DIS3L2: variants seen among roughly 807,000 people sequenced by gnomAD.
DIS3L2 encodes the protein DIS3-like exonuclease 2.
DIS3L2 carries 34 observed loss-of-function variants against 97.5 expected under a neutral mutation model. That is an observed-to-expected ratio of 0.35 (90% CI 0.27 to 0.46). The LOEUF (loss-of-function observed/expected upper bound fraction) is 0.46. DIS3L2 is among the 20% of genes least tolerant of loss of function. The pLI, the probability that DIS3L2 is intolerant of heterozygous loss-of-function variation, is 1.00. For missense variants in DIS3L2, 1,038 were observed against 1,146.0 expected (o/e 0.91, Z 1.36); for synonymous variants, 435 against 445.2 (o/e 0.98, Z 0.29).
chr2:232,270,005 G>C (rs1016535155), intron 13 of DIS3L2, among the ~76,000 whole-genome samples: 1 of 152,114 alleles, frequency 6.6e-6, no homozygotes, highest in Non-Finnish European at 1.5e-5. Flanking sequence ...GAAGAAAATC[G>C]ACAAGCCTGT....
At chr2:232,296,942 A>T (rs1259009300) in intron 13 of DIS3L2, among the ~76,000 whole-genome samples, 1 of 151,634 alleles carries the variant, frequency 6.6e-6, no homozygotes, top group East Asian at 1.9e-4. Flanking sequence ...TGACTTTGAG[A>T]CTCCCCCTGC....
intron 4 of DIS3L2, among the ~76,000 whole-genome samples, chr2:232,026,192 C>G (rs1481606247): frequency 8.5e-5 from 13 of 152,116 alleles, no homozygotes; most frequent in Admixed American, 8.5e-4. Context: ...GGCACACATA[C>G]CTTAAATCAA....
intron 8 of DIS3L2, among the ~76,000 whole-genome samples, chr2:232,163,168 T>C (rs1409944434): frequency 6.6e-6 from 1 of 152,200 alleles, no homozygotes; most frequent in Non-Finnish European, 1.5e-5. Context: ...TTGACTTCTC[T>C]GTGAAGAACA....
intron 8 of DIS3L2, among the ~76,000 whole-genome samples, chr2:232,154,981 A>C (rs1474073136): frequency 7.2e-6 from 1 of 139,768 alleles, no homozygotes; most frequent in Non-Finnish European, 1.5e-5. Context: ...TGCGTCCGTC[A>C]CCCCTTTCTT....
rs1694133233 is a variant in DIS3L2, at chr2:232,276,129, T to C, written c.1659+12689T>C. Among the ~76,000 whole-genome samples, 1 of 152,242 alleles carries C rather than the reference T, an allele frequency of 6.6e-6. No individual in the cohort carries two copies. Among genetic ancestry groups the C allele is most frequent in the African/African-American group, 2.4e-5 (1 of 41,466 alleles). Reference sequence around the variant, plus strand: ...AGGGAGGGAATCCCAACAGGTTTCTTATCTGCTTGTCAGCATGAGGCTGGT... The same window carrying C: ...AGGGAGGGAATCCCAACAGGTTTCTCATCTGCTTGTCAGCATGAGGCTGGT... On this transcript the variant is annotated intron_variant, in intron 13 of 20. Transcript: ENST00000325385. This position sits in a 1 kb window ranked among gnomAD's most constrained non-coding sequence, Gnocchi z 4.4.
At chr2:232,039,287 C>G (rs1695043081) in intron 5 of DIS3L2, among the ~76,000 whole-genome samples, 2 of 152,148 alleles carry the variant, frequency 1.3e-5, no homozygotes, top group South Asian at 4.1e-4. Context: ...TCCCTGACGT[C>G]TAGAATATAA....
chr2:232,325,863 A>G lies in DIS3L2; in HGVS notation c.1740-3950A>G, dbSNP rs1695557243. ...GGAGGAGTGGGGTGACACTAGGGCCAGTGCCCACATCAGAGGAGGAAGGTA... is the reference window on the plus strand; with the variant it reads ...GGAGGAGTGGGGTGACACTAGGGCCGGTGCCCACATCAGAGGAGGAAGGTA... On this transcript the variant is annotated intron_variant, in intron 14 of 20. Coordinates refer to ENST00000325385, the MANE Select transcript of DIS3L2 (RefSeq NM_152383.5). This position sits in a 1 kb window ranked among gnomAD's most constrained non-coding sequence, Gnocchi z 4.6. Among the ~76,000 whole-genome samples, 1 of 152,186 alleles carries G rather than the reference A, an allele frequency of 6.6e-6. No individual in the cohort carries two copies. Among genetic ancestry groups the G allele is most frequent in the Admixed American group, 6.5e-5 (1 of 15,278 alleles).
At chr2:232,156,932 G>C (rs912616145) in intron 8 of DIS3L2, among the ~76,000 whole-genome samples, 1 of 152,088 alleles carries the variant, frequency 6.6e-6, no homozygotes, top group Admixed American at 6.6e-5. Context: ...AATACTATTA[G>C]GTAGAATCAG....
chr2:232,057,637 A>G (rs1262444145), intron 5 of DIS3L2, among the ~76,000 whole-genome samples: 3 of 152,066 alleles, frequency 2.0e-5, no homozygotes, highest in Non-Finnish European at 4.4e-5. Context: ...TAATCGTTAA[A>G]CCATAGATGA....
At chr2:232,086,357 ATGTG>A (rs1211442764) in intron 5 of DIS3L2, among the ~76,000 whole-genome samples, 4 of 76,878 alleles carry the variant, frequency 5.2e-5, no homozygotes, top group Admixed American at 1.6e-4. Context: ...ATGTATATAT[ATGTG>A]TATATGTATA....
At chr2:232,154,009 T>C in intron 8 of DIS3L2, among the ~76,000 whole-genome samples, 1 of 141,570 alleles carries the variant, frequency 7.1e-6, no homozygotes, top group Non-Finnish European at 1.5e-5. Flanking sequence ...TCCTGAGGCT[T>C]CTGCTTTCTT....
At chr2:232,248,746 TA>T in intron 11 of DIS3L2, among the ~76,000 whole-genome samples, 1 of 152,252 alleles carries the variant, frequency 6.6e-6, no homozygotes. Flanking sequence ...TTTATTGAAG[TA>T]GTCTCTTAAT....
At chr2:232,078,437 G>T (rs1181180162) in intron 5 of DIS3L2, among the ~76,000 whole-genome samples, 1 of 152,180 alleles carries the variant, frequency 6.6e-6, no homozygotes, top group East Asian at 1.9e-4. Flanking sequence ...TTCTCAGAGG[G>T]ATCTGCTAAC....
At chr2:232,223,075 C>T (rs142337072) in intron 10 of DIS3L2, among the ~76,000 whole-genome samples, 42 of 152,200 alleles carry the variant, frequency 2.8e-4, no homozygotes, top group Admixed American at 6.5e-4. Flanking sequence ...CTTGTTAAAC[C>T]GAATTTGGAC....
chr2:232,068,671 A>T (rs545701770), intron 5 of DIS3L2, among the ~76,000 whole-genome samples: 1 of 152,100 alleles, frequency 6.6e-6, no homozygotes, highest in Admixed American at 6.5e-5. Flanking sequence ...TTAATTTCTT[A>T]ATACTAAATT....
intron 14 of DIS3L2, among the ~76,000 whole-genome samples, chr2:232,310,445 G>A (rs1695092947): frequency 6.6e-6 from 1 of 152,190 alleles, no homozygotes; most frequent in African/African-American, 2.4e-5. Flanking sequence ...CTGGATTCGG[G>A]TAGTGTTCAG....
chr2:232,145,249 A>T (rs1690186060), intron 8 of DIS3L2, among the ~76,000 whole-genome samples: 1 of 152,034 alleles, frequency 6.6e-6, no homozygotes, highest in Non-Finnish European at 1.5e-5. Context: ...CCAGTTTGTG[A>T]GTTGTCTTTT....
intron 13 of DIS3L2, among the ~76,000 whole-genome samples, chr2:232,291,389 T>G (rs6721887): frequency 0.25 from 38,679 of 152,250 alleles, 7,375 homozygotes; most frequent in African/African-American, 0.5. Context: ...ATCTTTTAAA[T>G]TCTGCCATAA....
At chr2:232,135,288 C>G (rs114748886) in intron 7 of DIS3L2, among the ~76,000 whole-genome samples, 2 of 151,966 alleles carry the variant, frequency 1.3e-5, no homozygotes, top group Admixed American at 6.6e-5. Context: ...ACCACCTGAA[C>G]CAGAAGAGGG....
Sources: gnomAD v4.1 joint callset for allele counts (sites outside exome capture counted in the v4.1 genomes callset) on GRCh38, gnomAD v4.1.1 for gene constraint, Gnocchi (gnomAD v3.1) non-coding constraint, MANE v1.5 for transcripts, NCBI Gene and HGNC (gene_info 2026-07-23, HGNC 2026-07-21) for gene names.